FRMD4A: variants seen among roughly 807,000 people sequenced by gnomAD.
FRMD4A encodes the protein FERM domain-containing protein 4A.
FRMD4A carries 29 observed loss-of-function variants against 129.1 expected under a neutral mutation model. The observed-to-expected ratio is 0.22, with a 90% CI of 0.17 to 0.31. FRMD4A has a LOEUF of 0.31. Among genes scored for constraint, FRMD4A ranks in the 10% least tolerant of loss-of-function variants. The pLI, the probability that FRMD4A is intolerant of heterozygous loss-of-function variation, is 1.00. For synonymous variants in FRMD4A, 634 were observed against 571.6 expected, an observed-to-expected ratio of 1.11 and a Z score of -1.56; for missense variants, 1,272 against 1,375.8, an observed-to-expected ratio of 0.92 and a Z score of 1.19.
At chr10:13,704,471 C>G (rs2087205913) in intron 13 of FRMD4A, among the ~76,000 whole-genome samples, 1 of 152,050 alleles carries the variant, frequency 6.6e-6, no homozygotes, top group Non-Finnish European at 1.5e-5. Flanking sequence ...AATTGAGAAG[C>G]CCCCACCTGA....
At chr10:13,919,942 A>AACAAACAAACAAACAAACAC (rs2095053209) in intron 2 of FRMD4A, among the ~76,000 whole-genome samples, 1 of 152,118 alleles carries the variant, frequency 6.6e-6, no homozygotes, top group Non-Finnish European at 1.5e-5. Context: ...TGTCTCAAAA[A>AACAAACAAACAAACAAACAC]ACAAACAAAC....
chr10:14,274,067 T>C (rs758629850), intron 2 of FRMD4A, among the ~76,000 whole-genome samples: 16 of 152,068 alleles, frequency 1.1e-4, no homozygotes, highest in Non-Finnish European at 2.1e-4. Flanking sequence ...ATAAAAAGCG[T>C]GTTCGTGCAG....
intron 2 of FRMD4A, among the ~76,000 whole-genome samples, chr10:14,258,481 A>T (rs1367581649): frequency 1.3e-5 from 2 of 152,202 alleles, no homozygotes; most frequent in East Asian, 3.8e-4. Flanking sequence ...GGAAAAAGCA[A>T]ATTAAATTCA....
chr10:13,751,499 T>C (rs1301903105), intron 8 of FRMD4A, among the ~76,000 whole-genome samples: 2 of 152,214 alleles, frequency 1.3e-5, no homozygotes, highest in Non-Finnish European at 1.5e-5. Context: ...GGCCAAACTC[T>C]GTGGCTGAAA....
intron 2 of FRMD4A, among the ~76,000 whole-genome samples, chr10:14,189,357 T>A (rs1228094527): frequency 6.6e-6 from 1 of 152,144 alleles, no homozygotes. Context: ...GTGGATCACC[T>A]GAGGTCAGGA....
chr10:14,134,308 G>C (rs1839419398), intron 2 of FRMD4A, among the ~76,000 whole-genome samples: 1 of 148,136 alleles, frequency 6.8e-6, no homozygotes, highest in Non-Finnish European at 1.5e-5. Flanking sequence ...TGGGTGAATG[G>C]GTGAATGGGT....
intron 2 of FRMD4A, among the ~76,000 whole-genome samples, chr10:14,131,368 G>A (rs149678004): frequency 2.0e-5 from 3 of 151,408 alleles, no homozygotes; most frequent in East Asian, 2.0e-4. Flanking sequence ...CCTTCCGGCT[G>A]CTTTAGCTCC....
intron 2 of FRMD4A, among the ~76,000 whole-genome samples, chr10:14,323,372 G>T (rs909246261): frequency 6.6e-6 from 1 of 152,146 alleles, no homozygotes; most frequent in Non-Finnish European, 1.5e-5. Context: ...ATCTTACATG[G>T]TAGCTATTAT....
intron 15 of FRMD4A, among the ~76,000 whole-genome samples, chr10:13,681,580 A>G (rs1009939317): frequency 3.9e-5 from 6 of 151,920 alleles, no homozygotes; most frequent in African/African-American, 9.7e-5. Flanking sequence ...GTATATGTGT[A>G]TATATATATA....
chr10:14,099,256 A>G (rs1456358298), intron 2 of FRMD4A, among the ~76,000 whole-genome samples: 1 of 152,216 alleles, frequency 6.6e-6, no homozygotes, highest in African/African-American at 2.4e-5. Flanking sequence ...TATAATTCCA[A>G]TGACCTCTTC....
chr10:13,735,176 A>G (rs544883233), intron 12 of FRMD4A, among the ~76,000 whole-genome samples: 14 of 152,152 alleles, frequency 9.2e-5, no homozygotes, highest in Middle Eastern at 3.2e-3. Flanking sequence ...CCCGGCCACA[A>G]TAACTGTTTT....
At chr10:13,929,976 T>C (rs1273218678) in intron 2 of FRMD4A, among the ~76,000 whole-genome samples, 1 of 152,160 alleles carries the variant, frequency 6.6e-6, no homozygotes, top group Non-Finnish European at 1.5e-5. Context: ...ATAATAAACA[T>C]GCAATAAATA....
At chr10:14,077,757 G>A (rs1835696463) in intron 2 of FRMD4A, among the ~76,000 whole-genome samples, 1 of 152,182 alleles carries the variant, frequency 6.6e-6, no homozygotes. Flanking sequence ...GTGGCTTGAT[G>A]TCTAATGCTT....
Position 13,656,865 on chromosome 10 carries a change from C to A in FRMD4A, c.2724G>T (p.Ser908=). The A allele has an allele frequency of 4.0e-6, 6 of 1,486,598 alleles. No individual in the cohort carries two copies. Among genetic ancestry groups the A allele is most frequent in the Non-Finnish European group, 3.6e-6 (4 of 1,122,676 alleles). The allele number at this position is 1,486,598 out of a possible 1,614,324, so 92.1% of individuals were successfully genotyped here. The change falls in exon 22 of 25, where the codon TCG becomes TCT. Residue 908 remains serine, a synonymous_variant. Transcript: ENST00000357447. ...TGTCGTGGGCGCCCTCGCGGCCCAG[C>A]GACGGAGTCCGCAGGATCTGCGATC... ...PSRSQILRTP[S]LGREGAHDKG...
At chr10:14,328,628 G>A (rs754060440) in intron 2 of FRMD4A, among the ~76,000 whole-genome samples, 6 of 22,178 alleles carry the variant, frequency 2.7e-4, no homozygotes, top group Admixed American at 1.5e-3. Context: ...ACATATGCAT[G>A]TGTGTGTGTG....
At chr10:13,971,380 T>C (rs964452171) in intron 2 of FRMD4A, among the ~76,000 whole-genome samples, 3 of 152,104 alleles carry the variant, frequency 2.0e-5, no homozygotes, top group Non-Finnish European at 2.9e-5. Flanking sequence ...CTCAAAATGG[T>C]GACAATAATA....
rs1024575229 is a variant in FRMD4A, at chr10:14,131,402, C to CCCT, written c.45+198655_45+198656insAGG. Among the ~76,000 whole-genome samples the CCCT allele has an allele frequency of 5.9e-5, 9 of 151,870 alleles. No homozygotes were observed. In the East Asian group the frequency reaches 7.8e-4, roughly 13 times the overall value. On this transcript the variant is annotated intron_variant, in intron 2 of 24. Coordinates refer to ENST00000357447, the MANE Select transcript of FRMD4A (RefSeq NM_018027.5). ...CCTTAGCCCAACTCACTGTGCCCCC[C>CCCT]CCGGCCGCCCTGTTGTCTCTAGGTG...
intron 9 of FRMD4A, 143 bp from the exon 10 acceptor site, chr10:13,740,720 G>C: frequency 1.8e-6 from 1 of 564,616 alleles, no homozygotes; most frequent in Non-Finnish European, 3.1e-6. Flanking sequence ...GTCCTGGAGT[G>C]GTATTTCCAA....
intron 6 of FRMD4A, among the ~76,000 whole-genome samples, chr10:13,773,487 G>T (rs1051895736): frequency 8.5e-5 from 13 of 152,172 alleles, no homozygotes; most frequent in Admixed American, 2.0e-4. Flanking sequence ...GGAACTGAAT[G>T]GAAAGGTCTT....
Sources: gnomAD v4.1 joint callset for allele counts (sites outside exome capture counted in the v4.1 genomes callset) on GRCh38, gnomAD v4.1.1 for gene constraint, MANE v1.5 for transcripts, NCBI Gene and HGNC (gene_info 2026-07-23, HGNC 2026-07-21) for gene names.